Variants in FNDC3B observed in about 807,000 individuals in gnomAD.
FNDC3B encodes the protein fibronectin type III domain containing 3B.
Under a neutral mutation model 151.5 loss-of-function variants are expected in FNDC3B, and 12 were observed. The observed-to-expected ratio is 0.08, with a 90% CI of 0.05 to 0.13. The LOEUF (loss-of-function observed/expected upper bound fraction) is 0.13. Among genes scored for constraint, FNDC3B ranks in the 10% least tolerant of loss-of-function variants. The pLI, the probability that FNDC3B is intolerant of heterozygous loss-of-function variation, is 1.00. For synonymous variants in FNDC3B, 528 were observed against 549.0 expected (o/e 0.96, Z 0.54); for missense variants, 1,214 against 1,505.3 (o/e 0.81, Z 3.20).
At chr3:172,350,595 T>C (rs1046504820) in intron 21 of FNDC3B, among the ~76,000 whole-genome samples, 1 of 152,222 alleles carries the variant, frequency 6.6e-6, no homozygotes, top group Admixed American at 6.5e-5. Context: ...AATGTTGCAG[T>C]AGAGTTTCAA....
chr3:172,383,759 A>G (rs1268849071), intron 25 of FNDC3B, among the ~76,000 whole-genome samples: 2 of 152,362 alleles, frequency 1.3e-5, no homozygotes, highest in Non-Finnish European at 2.9e-5. Context: ...ATCATGTTTC[A>G]TAGCCCTTGT....
intron 6 of FNDC3B, among the ~76,000 whole-genome samples, chr3:172,258,904 C>G (rs886158484): frequency 6.6e-6 from 1 of 152,182 alleles, no homozygotes. Flanking sequence ...CTTTTTCTGT[C>G]TTGTGAGCAC....
At chr3:172,087,345 C>A (rs1576849979) in intron 1 of FNDC3B, among the ~76,000 whole-genome samples, 1 of 152,230 alleles carries the variant, frequency 6.6e-6, no homozygotes, top group African/African-American at 2.4e-5. Context: ...AGCCGTACTA[C>A]TTGCCAGGTT....
chr3:172,328,570 T>TC (rs1732472055), intron 11 of FNDC3B, among the ~76,000 whole-genome samples: 1 of 152,190 alleles, frequency 6.6e-6, no homozygotes, highest in South Asian at 2.1e-4. Context: ...TGCAGTAGAC[T>TC]CTTGGTTGAT....
chr3:172,056,436 C>G (rs927797016), intron 1 of FNDC3B, among the ~76,000 whole-genome samples: 3 of 152,060 alleles, frequency 2.0e-5, no homozygotes, highest in African/African-American at 4.8e-5. Context: ...TAGATAATAG[C>G]CGGTTACAAT....
At chr3:172,212,983 A>G (rs1725807109) in intron 3 of FNDC3B, among the ~76,000 whole-genome samples, 1 of 152,028 alleles carries the variant, frequency 6.6e-6, no homozygotes, top group Non-Finnish European at 1.5e-5. Flanking sequence ...AATTGGGTAC[A>G]TGTATTTTCT....
chr3:172,362,111 C>T (rs1041838212), intron 22 of FNDC3B, among the ~76,000 whole-genome samples: 5 of 152,170 alleles, frequency 3.3e-5, no homozygotes, highest in Admixed American at 6.5e-5. Flanking sequence ...GGATGCCATC[C>T]CATTACTAAC....
intron 3 of FNDC3B, among the ~76,000 whole-genome samples, chr3:172,172,132 G>A (rs939623277): frequency 8.5e-5 from 13 of 152,158 alleles, no homozygotes; most frequent in Non-Finnish European, 1.5e-4. Context: ...AAATCATTTA[G>A]CAGCTCTTAC....
At chr3:172,075,909 G>T (rs1717987240) in intron 1 of FNDC3B, among the ~76,000 whole-genome samples, 2 of 152,174 alleles carry the variant, frequency 1.3e-5, no homozygotes, top group South Asian at 4.1e-4. Context: ...CCAAGAATGG[G>T]TCCTGACCTG....
intron 4 of FNDC3B, chr3:172,227,281 G>A (rs183752106): frequency 1.0e-5 from 2 of 197,774 alleles, no homozygotes; most frequent in East Asian, 2.4e-4. Flanking sequence ...AAAATTCATA[G>A]ATGTAGTTAG....
chr3:172,335,785 T>G (rs1203407271), intron 15 of FNDC3B: 2 of 152,136 alleles, frequency 1.3e-5, no homozygotes, highest in East Asian at 3.8e-4. Flanking sequence ...ACTAATGTCA[T>G]AATAATATTA....
Position 172,266,716 on chromosome 3 carries a change from C to T in FNDC3B, c.790+15175C>T, listed in dbSNP as rs184600965. 1.1e-4 allele frequency among the ~76,000 whole-genome samples: 16 copies of T among 152,336 alleles called. No individual in the cohort carries two copies. The East Asian group carries it at 2.3e-3, about 22-fold the overall frequency. On this transcript the variant is annotated intron_variant, in intron 6 of 25. Coordinates refer to ENST00000415807, the MANE Select transcript of FNDC3B (RefSeq NM_022763.4). ...AGACCAGCATCTTCAAATCTCTCTG[C>T]TCTTTTCTTCCCCTCTGTTTGTGTT...
At chr3:172,346,261 GCA>G (rs1733608748) in intron 19 of FNDC3B, 64 bp from the exon 20 acceptor site, 2 of 854,594 alleles carry the variant, frequency 2.3e-6, no homozygotes, top group African/African-American at 3.4e-5. Flanking sequence ...GCTTTTGTAT[GCA>G]CACACATTCA....
intron 3 of FNDC3B, among the ~76,000 whole-genome samples, chr3:172,175,368 T>C (rs1723528651): frequency 6.6e-6 from 1 of 152,156 alleles, no homozygotes; most frequent in Non-Finnish European, 1.5e-5. Context: ...TATAGTCCTA[T>C]ACGTGGTAGG....
At chr3:172,105,893 A>G (rs188249163) in intron 1 of FNDC3B, among the ~76,000 whole-genome samples, 54 of 152,304 alleles carry the variant, frequency 3.5e-4, no homozygotes, top group African/African-American at 1.2e-3. Context: ...TGTCTGTGAC[A>G]ATATATTTTT....
At chr3:172,186,763 T>G (rs1373138317) in intron 3 of FNDC3B, 1 of 702,470 alleles carries the variant, frequency 1.4e-6, no homozygotes, top group South Asian at 1.5e-5. Context: ...CTCAGCTTTT[T>G]CCCCCTTACC....
intron 3 of FNDC3B, among the ~76,000 whole-genome samples, chr3:172,169,132 A>G (rs2108631539): frequency 6.6e-6 from 1 of 151,936 alleles, no homozygotes; most frequent in African/African-American, 2.4e-5. Flanking sequence ...AGAGTGCATC[A>G]CTGATGTTTG....
intron 14 of FNDC3B, among the ~76,000 whole-genome samples, chr3:172,334,263 G>A (rs6808985): frequency 0.011 from 1,745 of 151,866 alleles, 34 homozygotes; most frequent in African/African-American, 0.039. Flanking sequence ...TACTGCTAAC[G>A]TTTCTCCACA....
Position 172,226,888 on chromosome 3 carries a change from A to G in FNDC3B, c.205A>G (p.Met69Val). The stretch of plus-strand genomic sequence containing the variant: ...TGTTTTAGGACCTGCTGAAGTTCCC[A>G]TGATGTCACCCAATGGATCCATTCC... Reference protein sequence around the residue: ...QCIQGPAEVPMMSPNGSIPPI... With the variant: ...QCIQGPAEVPVMSPNGSIPPI... The change falls in exon 4 of 26, where the codon ATG becomes GTG. Residue 69 changes from methionine (M) to valine (V), a missense_variant. Met to Val is a conservative substitution (Grantham distance 21, BLOSUM62 1). This residue lies in a region of FNDC3B where 113 missense variants were observed against 177.8 expected (regional missense o/e 0.64). Coordinates refer to ENST00000415807, the MANE Select transcript of FNDC3B (RefSeq NM_022763.4). The G allele has an allele frequency of 6.2e-7, 1 of 1,612,548 alleles. No individual in the cohort carries two copies. Among genetic ancestry groups the G allele is most frequent in the Non-Finnish European group, 8.5e-7 (1 of 1,178,534 alleles).
Sources: allele counts gnomAD v4.1 joint callset (sites outside exome capture counted in the v4.1 genomes callset), GRCh38; gene constraint gnomAD v4.1.1; regional missense constraint gnomAD v4.1.1; transcripts MANE v1.5; gene names NCBI Gene and HGNC (gene_info 2026-07-23, HGNC 2026-07-21).